The following CNTN4 variants were observed in gnomAD, a reference collection of about 807,000 sequenced individuals.
The protein encoded by CNTN4 is contactin-4.
In CNTN4, 77 loss-of-function variants were observed where a neutral mutation model predicts 122.5. The observed-to-expected ratio is 0.63, with a 90% CI of 0.52 to 0.76. The LOEUF is 0.76. Ranked by LOEUF, CNTN4 falls within the 30% of genes least tolerant of loss-of-function variation. CNTN4 has a pLI of 0.00. For synonymous variants in CNTN4, 512 were observed against 447.0 expected (o/e 1.15, Z -1.83); for missense variants, 1,256 against 1,259.1 (o/e 1.00, Z 0.04).
intron 13 of CNTN4, 29 bp from the exon 14 acceptor site, chr3:2,988,316 C>T (rs1245990494): frequency 1.9e-6 from 3 of 1,609,970 alleles, no homozygotes; most frequent in East Asian, 4.5e-5. Context: ...TAAATTTCAC[C>T]ATTTTTGGTT....
At chr3:2,707,920 A>C (rs953851566) in intron 4 of CNTN4, among the ~76,000 whole-genome samples, 1 of 152,192 alleles carries the variant, frequency 6.6e-6, no homozygotes, top group Non-Finnish European at 1.5e-5. Context: ...AAGCTAATGA[A>C]ATGAGTCTGA....
At chr3:2,917,048 C>T (rs1281817820) in intron 12 of CNTN4, among the ~76,000 whole-genome samples, 1 of 125,768 alleles carries the variant, frequency 8.0e-6, no homozygotes, top group Non-Finnish European at 1.7e-5. Context: ...GTCTGCCATC[C>T]CGGCACCTCG....
intron 3 of CNTN4, among the ~76,000 whole-genome samples, chr3:2,469,361 A>G (rs1559581079): frequency 6.6e-6 from 1 of 152,202 alleles, no homozygotes; most frequent in African/African-American, 2.4e-5. Context: ...TAAACCTGCA[A>G]CTGATCATTT....
chr3:2,838,272 A>G (rs2093275033), intron 7 of CNTN4, among the ~76,000 whole-genome samples: 1 of 152,214 alleles, frequency 6.6e-6, no homozygotes, highest in Non-Finnish European at 1.5e-5. Flanking sequence ...AAAACTGGGT[A>G]AGACTAAAAT....
At chr3:2,243,071 A>G (rs756388457) in intron 2 of CNTN4, among the ~76,000 whole-genome samples, 27 of 152,088 alleles carry the variant, frequency 1.8e-4, no homozygotes, top group Non-Finnish European at 3.5e-4. Flanking sequence ...TCAGCTCTCC[A>G]TGCTTCTGTA....
chr3:2,142,458 G>T (rs1352153667), intron 2 of CNTN4, among the ~76,000 whole-genome samples: 1 of 151,844 alleles, frequency 6.6e-6, no homozygotes, highest in Non-Finnish European at 1.5e-5. Context: ...TCACCTCCCA[G>T]GTTCAAGAGA....
At chr3:2,720,801 A>T (rs930015811) in intron 4 of CNTN4, among the ~76,000 whole-genome samples, 1 of 152,220 alleles carries the variant, frequency 6.6e-6, no homozygotes, top group Non-Finnish European at 1.5e-5. Context: ...CTTTAAATAT[A>T]TTAAGGGATT....
chr3:2,452,242 T>G (rs948942924), intron 3 of CNTN4, among the ~76,000 whole-genome samples: 17 of 152,176 alleles, frequency 1.1e-4, no homozygotes, highest in African/African-American at 1.4e-4. Flanking sequence ...TTTTCTTCTC[T>G]GCAAAATTAG....
At chr3:2,274,147 C>T (rs13099038) in intron 2 of CNTN4, among the ~76,000 whole-genome samples, 80,082 of 151,860 alleles carry the variant, frequency 0.53, 22,001 homozygotes, top group South Asian at 0.68. Context: ...CTTTGCGAGG[C>T]CGAGGCAGAC....
chr3:2,474,295 A>G (rs1354576198), intron 3 of CNTN4, among the ~76,000 whole-genome samples: 3 of 152,152 alleles, frequency 2.0e-5, no homozygotes, highest in Non-Finnish European at 2.9e-5. Flanking sequence ...GCTCACGTTC[A>G]TGCTTGGGGC....
intron 2 of CNTN4, among the ~76,000 whole-genome samples, chr3:2,306,403 T>A (rs950126593): frequency 5.9e-5 from 9 of 152,204 alleles, no homozygotes; most frequent in Admixed American, 1.3e-4. Context: ...TGCTAATGAT[T>A]TGAGCATCTT....
At chr3:2,622,573 G>A (rs1387756596) in intron 4 of CNTN4, among the ~76,000 whole-genome samples, 1 of 152,188 alleles carries the variant, frequency 6.6e-6, no homozygotes, top group Non-Finnish European at 1.5e-5. Context: ...ACCACGCTCA[G>A]CTGGACAAGC....
chr3:2,100,488 G>T (rs1370885119), intron 1 of CNTN4, 70 bp from the exon 2 acceptor site: 1 of 152,176 alleles, frequency 6.6e-6, no homozygotes, highest in Non-Finnish European at 1.5e-5. Context: ...CTATGAGCAG[G>T]TCCATACAAT....
chr3:2,100,436 C>G (rs1046435192), intron 1 of CNTN4, 122 bp from the exon 2 acceptor site: 1 of 152,050 alleles, frequency 6.6e-6, no homozygotes, highest in African/African-American at 2.4e-5. Flanking sequence ...GGTTTATGTC[C>G]TTTAGAGAGT....
chr3:2,483,720 C>G (rs113567462), intron 3 of CNTN4, among the ~76,000 whole-genome samples: 42 of 152,276 alleles, frequency 2.8e-4, no homozygotes, highest in African/African-American at 9.4e-4. Flanking sequence ...CATTTTCTCT[C>G]CTGCCACCCT....
intron 2 of CNTN4, among the ~76,000 whole-genome samples, chr3:2,145,183 C>T (rs952411365): frequency 1.3e-5 from 2 of 152,224 alleles, no homozygotes; most frequent in African/African-American, 4.8e-5. Flanking sequence ...TTGTGACCCA[C>T]AACTAAAGTC....
At chr3:2,624,758 A>T (rs969591862) in intron 4 of CNTN4, among the ~76,000 whole-genome samples, 8 of 148,440 alleles carry the variant, frequency 5.4e-5, no homozygotes, top group Non-Finnish European at 5.9e-5. Context: ...CAGCTTCCCC[A>T]ATAGCTGGGA....
chr3:2,434,484 C>T (rs1267935489), intron 3 of CNTN4, among the ~76,000 whole-genome samples: 2 of 152,146 alleles, frequency 1.3e-5, no homozygotes, highest in South Asian at 2.1e-4. Context: ...TTCAGTTGAA[C>T]AAAGATTGTA....
At chr3:2,906,093 A>T (rs1243235711) in intron 12 of CNTN4, among the ~76,000 whole-genome samples, 12 of 152,222 alleles carry the variant, frequency 7.9e-5, no homozygotes. Flanking sequence ...AGGCACAGAA[A>T]AATATCACAT....
Sources: allele counts gnomAD v4.1 joint callset (sites outside exome capture counted in the v4.1 genomes callset), GRCh38; gene constraint gnomAD v4.1.1; transcripts MANE v1.5; gene names NCBI Gene and HGNC (gene_info 2026-07-23, HGNC 2026-07-21).